The following ANKRD10 variants were observed in gnomAD, a reference collection of about 807,000 sequenced individuals.
ANKRD10 encodes ankyrin repeat domain-containing protein 10.
A neutral mutation model predicts 27.0 loss-of-function variants in ANKRD10; 14 were observed. That is an observed-to-expected ratio of 0.52 (90% CI 0.34 to 0.81). The LOEUF (loss-of-function observed/expected upper bound fraction) is 0.81. ANKRD10 is among the 40% of genes least tolerant of loss of function. The pLI, the probability that ANKRD10 is intolerant of heterozygous loss-of-function variation, is 0.01. For missense variants in ANKRD10, 493 were observed against 544.0 expected (o/e 0.91, Z 0.93); for synonymous variants, 250 against 224.5 (o/e 1.11, Z -1.01).
chr13:110,912,879 GCTTT>G (rs1358248301), intron 1 of ANKRD10, among the ~76,000 whole-genome samples: 2 of 152,230 alleles, frequency 1.3e-5, no homozygotes, highest in African/African-American at 2.4e-5. Flanking sequence ...CTGGACAGGG[GCTTT>G]CTAAGGCCCC....
intron 3 of ANKRD10, chr13:110,899,309 A>G: frequency 6.6e-6 from 1 of 152,252 alleles, no homozygotes; most frequent in Non-Finnish European, 1.5e-5. Flanking sequence ...TTATTTTCAG[A>G]TGAAATCTTC....
chr13:110,904,775 G>A (rs1418098151), intron 3 of ANKRD10, among the ~76,000 whole-genome samples: 1 of 152,168 alleles, frequency 6.6e-6, no homozygotes, highest in Non-Finnish European at 1.5e-5. Context: ...GAAGTCGCGA[G>A]AGTCCCTGCA....
Position 110,915,035 on chromosome 13 carries a change from C to G in ANKRD10, c.-101G>C. On this transcript the variant is annotated 5_prime_UTR_variant, in exon 1 of 6. Transcript: ENST00000267339. ...GCACAAAGGAACGAGACTAGCGCCG[C>G]GGTCGCGTCCCACAGGCTGCCGAGC... 3 of 1,438,466 alleles carry G rather than the reference C, an allele frequency of 2.1e-6. No homozygotes were observed. Among genetic ancestry groups the G allele is most frequent in the Non-Finnish European group, 2.7e-6 (3 of 1,100,920 alleles). The allele number at this position is 1,438,466 out of a possible 1,614,324, so 89.1% of individuals were successfully genotyped here. A position where few individuals can be genotyped will look rare whatever the true frequency, so the allele number is the denominator to read the frequency against.
At chr13:110,881,580 G>T (rs1043665465) in intron 5 of ANKRD10, among the ~76,000 whole-genome samples, 3 of 151,860 alleles carry the variant, frequency 2.0e-5, no homozygotes, top group African/African-American at 4.8e-5. Flanking sequence ...TAAAATCCTA[G>T]ACTAGAAAAC....
At chr13:110,881,343 C>T (rs986896183) in intron 5 of ANKRD10, among the ~76,000 whole-genome samples, 4 of 152,228 alleles carry the variant, frequency 2.6e-5, no homozygotes, top group Non-Finnish European at 4.4e-5. Flanking sequence ...GCTTCCCCTC[C>T]ATCTCACCTC....
At chr13:110,906,786 T>A (rs1260475802) in intron 2 of ANKRD10, among the ~76,000 whole-genome samples, 2 of 151,948 alleles carry the variant, frequency 1.3e-5, no homozygotes, top group African/African-American at 4.8e-5. Context: ...CCAAGCTTCA[T>A]AAGAATGAAA....
chr13:110,896,399 A>T (rs929340891), intron 3 of ANKRD10, among the ~76,000 whole-genome samples: 4 of 152,226 alleles, frequency 2.6e-5, no homozygotes, highest in Admixed American at 2.6e-4. Flanking sequence ...ACTCAGAGGA[A>T]ATCTGTTGGT....
intron 3 of ANKRD10, chr13:110,900,628 T>C: frequency 7.4e-7 from 1 of 1,351,998 alleles, no homozygotes; most frequent in East Asian, 4.6e-5. Context: ...GTTTCAGCAG[T>C]TTCTATATGG....
intron 4 of ANKRD10, among the ~76,000 whole-genome samples, chr13:110,892,415 G>GAAAAAAAAAAAAAAAAAA (rs1381734881): frequency 0.2 from 508 of 2,536 alleles, 33 homozygotes; most frequent in Non-Finnish European, 0.22. Context: ...GGGTGACAGA[G>GAAAAAAAAAAAAAAAAAA]CAAAAAAAAA....
intron 3 of ANKRD10, among the ~76,000 whole-genome samples, chr13:110,904,714 T>C (rs772463585): frequency 3.2e-4 from 49 of 152,254 alleles, no homozygotes; most frequent in Admixed American, 2.0e-4. Flanking sequence ...TACTAGTATA[T>C]AAAACATACT....
chr13:110,891,881 T>TTTTTTTC lies in ANKRD10; in HGVS notation c.691+1146_691+1147insGAAAAAA, dbSNP rs1412098153. The stretch of plus-strand genomic sequence containing the variant: ...ACCTTCTTATTAAGACTTTTTTTTT[T>TTTTTTTC]TTTTTTTTTTAAATAGAGACAAGGT... On this transcript the variant is annotated intron_variant, in intron 4 of 5. Coordinates refer to ENST00000267339, the MANE Select transcript of ANKRD10 (RefSeq NM_017664.4). Among the ~76,000 whole-genome samples the TTTTTTTC allele has an allele frequency of 1.4e-4, 21 of 150,432 alleles. No individual in the cohort carries two copies. The East Asian group carries it at 3.9e-3, about 28-fold the overall frequency.
intron 4 of ANKRD10, among the ~76,000 whole-genome samples, chr13:110,884,571 T>C (rs565636798): frequency 5.4e-4 from 83 of 152,386 alleles, no homozygotes; most frequent in African/African-American, 1.9e-3. Context: ...CCTTGCTTTA[T>C]TCATTTACCA....
intron 4 of ANKRD10, among the ~76,000 whole-genome samples, chr13:110,885,835 A>G (rs943731227): frequency 1.3e-5 from 2 of 152,208 alleles, no homozygotes; most frequent in African/African-American, 4.8e-5. Flanking sequence ...TCAGATGCCA[A>G]TGTTCCCCGG....
At chr13:110,886,007 C>T (rs999542553) in intron 4 of ANKRD10, among the ~76,000 whole-genome samples, 2 of 152,242 alleles carry the variant, frequency 1.3e-5, no homozygotes, top group African/African-American at 4.8e-5. Flanking sequence ...AGCCCACCCA[C>T]TAGCCAGGAG....
At chr13:110,908,352 C>T (rs1326145814) in intron 2 of ANKRD10, among the ~76,000 whole-genome samples, 5 of 152,170 alleles carry the variant, frequency 3.3e-5, no homozygotes, top group African/African-American at 1.2e-4. Flanking sequence ...AAAAACAAAT[C>T]ACAGGAAAGC....
rs947589467 is a variant in ANKRD10, at chr13:110,879,497, G to T, written c.*140C>A. The T allele has an allele frequency of 4.4e-6, 3 of 676,988 alleles. No homozygotes were observed. Among genetic ancestry groups the T allele is most frequent in the Non-Finnish European group, 2.5e-6 (1 of 401,270 alleles). The allele number at this position is 676,988 out of a possible 1,614,324, so 41.9% of individuals were successfully genotyped here. The stretch of plus-strand genomic sequence containing the variant: ...ACAAACAAGCAGTTGCTGGGAACTT[G>T]TCGAAGTTTACTTTTTCAGAAAGTT... On this transcript the variant is annotated 3_prime_UTR_variant, in exon 6 of 6. Coordinates refer to ENST00000267339, the MANE Select transcript of ANKRD10 (RefSeq NM_017664.4).
chr13:110,892,833 T>C, intron 4 of ANKRD10, 195 bp downstream of exon 4: 1 of 1,375,672 alleles, frequency 7.3e-7, no homozygotes, highest in South Asian at 1.7e-5. Flanking sequence ...AGTATTTCCC[T>C]CACATTCCCT....
rs755191364 is a variant in ANKRD10, at chr13:110,879,691, C to T, written c.1209G>A (p.Gln403=). ...CCAGCACGGCACTGTCGTACCGCTCCTGCACCTTCACGGACTTGGAATGCT... is the reference window on the plus strand; with the variant it reads ...CCAGCACGGCACTGTCGTACCGCTCTTGCACCTTCACGGACTTGGAATGCT... ...VVEHSKSVKV[Q]ERYDSAVLGT... is the part of the protein sequence containing the mutation. The change falls in exon 6 of 6, where the codon CAG becomes CAA. Residue 403 remains glutamine (Q), a synonymous_variant. Coordinates refer to ENST00000267339, the MANE Select transcript of ANKRD10 (RefSeq NM_017664.4). The T allele has an allele frequency of 3.1e-6, 5 of 1,614,184 alleles. No individual in the cohort carries two copies. The South Asian group carries it at 5.5e-5, about 18-fold the overall frequency.
chr13:110,912,789 T>C (rs887927188), intron 1 of ANKRD10, among the ~76,000 whole-genome samples: 3 of 152,246 alleles, frequency 2.0e-5, no homozygotes, highest in African/African-American at 7.2e-5. Context: ...GGAGAAAGCC[T>C]GGACTTCGCA....
Sources: gnomAD v4.1 joint callset for allele counts (sites outside exome capture counted in the v4.1 genomes callset) on GRCh38, gnomAD v4.1.1 for gene constraint, MANE v1.5 for transcripts, NCBI Gene and HGNC (gene_info 2026-07-23, HGNC 2026-07-21) for gene names.